FOXN3: variants seen among roughly 807,000 people sequenced by gnomAD.
The protein encoded by FOXN3 is forkhead box protein N3.
In FOXN3, 7 loss-of-function variants were observed where a neutral mutation model predicts 38.4. That is an observed-to-expected ratio of 0.18 (90% CI 0.10 to 0.34). The LOEUF is 0.34. Ranked by LOEUF, FOXN3 falls within the 10% of genes least tolerant of loss-of-function variation. The pLI is 1.00. For missense variants in FOXN3, 456 were observed against 613.4 expected (o/e 0.74, Z 2.71); for synonymous variants, 230 against 242.2 (o/e 0.95, Z 0.47).
chr14:89,306,136 C>A (rs945411676), intron 3 of FOXN3, among the ~76,000 whole-genome samples: 1 of 152,198 alleles, frequency 6.6e-6, no homozygotes, highest in Non-Finnish European at 1.5e-5. Context: ...TTTCAAGAGT[C>A]ATTTAGAATT....
At chr14:89,338,125 G>A (rs1293663687) in intron 3 of FOXN3, among the ~76,000 whole-genome samples, 1 of 152,164 alleles carries the variant, frequency 6.6e-6, no homozygotes, top group Non-Finnish European at 1.5e-5. Flanking sequence ...GACAGATGGG[G>A]AAGTAGATGG....
At chr14:89,447,460 A>C (rs1302169287) in intron 1 of FOXN3, among the ~76,000 whole-genome samples, 1 of 152,142 alleles carries the variant, frequency 6.6e-6, no homozygotes, top group East Asian at 1.9e-4. Flanking sequence ...GCTAGACTCA[A>C]AGTTCACTCT....
At chr14:89,509,381 C>T (rs1596302425) in intron 1 of FOXN3, among the ~76,000 whole-genome samples, 1 of 152,304 alleles carries the variant, frequency 6.6e-6, no homozygotes, top group East Asian at 1.9e-4. Flanking sequence ...ATTGCCCAGG[C>T]TGGAGTGCAG....
intron 3 of FOXN3, among the ~76,000 whole-genome samples, chr14:89,346,112 A>G (rs1888752169): frequency 6.6e-6 from 1 of 152,096 alleles, no homozygotes; most frequent in Non-Finnish European, 1.5e-5. Context: ...AAAAGACATT[A>G]TTTTGTTCCT....
chr14:89,457,464 C>T (rs1464034974), intron 1 of FOXN3, among the ~76,000 whole-genome samples: 1 of 152,196 alleles, frequency 6.6e-6, no homozygotes, highest in Admixed American at 6.5e-5. Flanking sequence ...CTGGCTCCAC[C>T]ACTCTTACCG....
rs1891557410 is a variant in FOXN3 at position 89,412,027 on chromosome 14, A to G, written c.450T>C (p.Tyr150=). 1 of 1,612,872 alleles carries G rather than the reference A, an allele frequency of 6.2e-7. No homozygotes were observed. Among genetic ancestry groups the G allele is most frequent in the African/African-American group, 1.3e-5 (1 of 74,858 alleles). The part of the protein sequence containing the change: ...IYNWILEHFP[Y]FANAPTGWKN... ...TCCACCCAGTAGGTGCATTTGCAAA[A>G]TACGGAAAATGTTCCAAGATCCAGT... The change falls in exon 2 of 6, where the codon TAT becomes TAC. Residue 150 remains tyrosine (Y), a synonymous_variant. Coordinates refer to ENST00000557258, the MANE Select transcript of FOXN3 (RefSeq NM_005197.4). This position sits in a 1 kb window ranked among gnomAD's most constrained non-coding sequence, Gnocchi z 4.7.
At chr14:89,500,335 A>G (rs1056240758) in intron 1 of FOXN3, among the ~76,000 whole-genome samples, 25 of 152,308 alleles carry the variant, frequency 1.6e-4, no homozygotes, top group African/African-American at 5.8e-4. Context: ...TGAGGCAATG[A>G]GTCAATTGCA....
chr14:89,272,777 T>C (rs1227082536), intron 4 of FOXN3, among the ~76,000 whole-genome samples: 2 of 152,106 alleles, frequency 1.3e-5, no homozygotes, highest in South Asian at 4.2e-4. Context: ...CACTTGAATC[T>C]GGGAAGCATA....
intron 3 of FOXN3, among the ~76,000 whole-genome samples, chr14:89,288,267 A>G (rs1886698263): frequency 6.6e-6 from 1 of 152,126 alleles, no homozygotes. Context: ...GTGTGGCAAG[A>G]TTACTCAGAG....
chr14:89,325,300 A>C (rs1255489258), intron 3 of FOXN3, among the ~76,000 whole-genome samples: 1 of 138,930 alleles, frequency 7.2e-6, no homozygotes, highest in Non-Finnish European at 1.6e-5. Context: ...CACCAACACC[A>C]ACACCACCAC....
intron 1 of FOXN3, among the ~76,000 whole-genome samples, chr14:89,589,675 C>G (rs1440228062): frequency 1.5e-5 from 2 of 132,404 alleles, no homozygotes; most frequent in African/African-American, 5.8e-5. Flanking sequence ...CCTGAAACCA[C>G]CTAGCAACAG....
At chr14:89,396,125 T>G (rs1891092455) in intron 2 of FOXN3, among the ~76,000 whole-genome samples, 1 of 152,100 alleles carries the variant, frequency 6.6e-6, no homozygotes, top group Non-Finnish European at 1.5e-5. Flanking sequence ...GAAACAAAAA[T>G]TTATAGGTTA....
At chr14:89,569,753 C>T (rs947738186) in intron 1 of FOXN3, among the ~76,000 whole-genome samples, 2 of 152,182 alleles carry the variant, frequency 1.3e-5, no homozygotes, top group African/African-American at 4.8e-5. Flanking sequence ...AACATCTATA[C>T]ATCTGTGGCC....
chr14:89,352,656 C>A (rs1566963887), intron 2 of FOXN3, among the ~76,000 whole-genome samples: 2 of 152,192 alleles, frequency 1.3e-5, no homozygotes, highest in Non-Finnish European at 2.9e-5. Flanking sequence ...AACATTTCTG[C>A]AATGATATTG....
At position 89,163,834 on chromosome 14, in the gene FOXN3, G is replaced by C. The variant is rs1887170671; in HGVS notation, c.852-865C>G. 6.6e-6 allele frequency among the ~76,000 whole-genome samples: 1 copy of C among 152,166 alleles called. No individual in the cohort carries two copies. The highest frequency in any genetic ancestry group is 2.1e-4 in the South Asian group (1 of 4,824). ...ACTGATCACTTGCGGAGCAGGGACT[G>C]GAATCAAAGTCTGACTCTCAGACTT... is the stretch of plus-strand genomic sequence containing the variant. On this transcript the variant is annotated intron_variant, in intron 5 of 5. Transcript: ENST00000557258. This position sits in a 1 kb window ranked among gnomAD's most constrained non-coding sequence, Gnocchi z 4.3.
chr14:89,317,559 T>C (rs576048350), intron 3 of FOXN3, among the ~76,000 whole-genome samples: 73 of 152,118 alleles, frequency 4.8e-4, no homozygotes, highest in African/African-American at 1.7e-3. Flanking sequence ...AGGGGTAAAG[T>C]GTAGGGTCCC....
intron 1 of FOXN3, among the ~76,000 whole-genome samples, chr14:89,560,674 C>T (rs908851861): frequency 1.3e-5 from 2 of 152,168 alleles, no homozygotes; most frequent in Non-Finnish European, 1.5e-5. Context: ...TACCTGCTTT[C>T]CAAAGATTTA....
intron 3 of FOXN3, among the ~76,000 whole-genome samples, chr14:89,286,053 G>A (rs1487709425): frequency 6.6e-6 from 1 of 151,468 alleles, no homozygotes; most frequent in East Asian, 1.9e-4. Flanking sequence ...GTTGTTGTTT[G>A]TAGGACAGGG....
chr14:89,274,033 AT>A (rs1886228926), intron 4 of FOXN3, among the ~76,000 whole-genome samples: 1 of 152,210 alleles, frequency 6.6e-6, no homozygotes, highest in Non-Finnish European at 1.5e-5. Context: ...CCTTTGCAAA[AT>A]GGACAAAAGA....
Sources: gnomAD v4.1 joint callset for allele counts (sites outside exome capture counted in the v4.1 genomes callset) on GRCh38, gnomAD v4.1.1 for gene constraint, Gnocchi (gnomAD v3.1) non-coding constraint, MANE v1.5 for transcripts, NCBI Gene and HGNC (gene_info 2026-07-23, HGNC 2026-07-21) for gene names.